Variants in NT5DC1 observed in about 807,000 individuals in gnomAD.
The protein encoded by NT5DC1 is 5'-nucleotidase domain containing 1, also known as 5'-nucleotidase domain-containing protein 1.
NT5DC1 carries 42 observed loss-of-function variants against 59.4 expected under a neutral mutation model. The ratio of observed to expected loss-of-function variants is 0.71; its 90% CI spans 0.55 to 0.92. The LOEUF (loss-of-function observed/expected upper bound fraction) is 0.92. Ranked by LOEUF, NT5DC1 falls within the 40% of genes least tolerant of loss-of-function variation. NT5DC1 has a pLI of 0.00. For missense variants in NT5DC1, 501 were observed against 537.1 expected, an observed-to-expected ratio of 0.93 and a Z score of 0.66; for synonymous variants, 172 against 188.1, an observed-to-expected ratio of 0.91 and a Z score of 0.70.
chr6:116,186,261 T>A (rs895825019), intron 6 of NT5DC1, among the ~76,000 whole-genome samples: 2 of 152,054 alleles, frequency 1.3e-5, no homozygotes, highest in Admixed American at 6.6e-5. Flanking sequence ...TAGGTTTTCC[T>A]TTAAAAGTTA....
intron 6 of NT5DC1, among the ~76,000 whole-genome samples, chr6:116,180,534 T>C (rs1256386514): frequency 6.6e-6 from 1 of 152,134 alleles, no homozygotes; most frequent in Non-Finnish European, 1.5e-5. Flanking sequence ...CCTGAACTTA[T>C]TGCTTAATCT....
intron 8 of NT5DC1, among the ~76,000 whole-genome samples, chr6:116,224,695 C>T (rs900239970): frequency 6.6e-6 from 1 of 152,178 alleles, no homozygotes; most frequent in African/African-American, 2.4e-5. Context: ...CATTCTGGCA[C>T]ATGGTCATGG....
intron 11 of NT5DC1, among the ~76,000 whole-genome samples, chr6:116,240,812 A>T (rs542597306): frequency 6.6e-6 from 1 of 152,330 alleles, no homozygotes; most frequent in South Asian, 2.1e-4. Flanking sequence ...GTGAATCTTG[A>T]TGGAATTATA....
At chr6:116,115,654 T>C (rs774046240) in intron 4 of NT5DC1, 37 bp from the exon 5 acceptor site, 73 of 1,008,808 alleles carry the variant, frequency 7.2e-5, no homozygotes, top group Non-Finnish European at 1.0e-4. Context: ...CATGCAGCAT[T>C]ATGTTGTTCC....
intron 4 of NT5DC1, among the ~76,000 whole-genome samples, chr6:116,111,983 C>T (rs1192241717): frequency 6.6e-6 from 1 of 152,174 alleles, no homozygotes; most frequent in Non-Finnish European, 1.5e-5. Context: ...AAAAGCCAGG[C>T]ACATAGCTGA....
chr6:116,135,652 TAACA>T (rs1168761707), intron 6 of NT5DC1, among the ~76,000 whole-genome samples: 4 of 151,654 alleles, frequency 2.6e-5, no homozygotes, highest in Non-Finnish European at 5.9e-5. Context: ...TTAATTCAAC[TAACA>T]AACATTTTTT....
At chr6:116,167,968 G>A (rs1316974078) in intron 6 of NT5DC1, among the ~76,000 whole-genome samples, 1 of 151,776 alleles carries the variant, frequency 6.6e-6, no homozygotes, top group African/African-American at 2.4e-5. Flanking sequence ...TATTGTTTAT[G>A]TTGAAAATTC....
chr6:116,214,704 T>A (rs1176862049), intron 6 of NT5DC1, among the ~76,000 whole-genome samples: 2 of 152,062 alleles, frequency 1.3e-5, no homozygotes, highest in Non-Finnish European at 2.9e-5. Context: ...TTTTGAAATA[T>A]CATATTCAAA....
intron 6 of NT5DC1, among the ~76,000 whole-genome samples, chr6:116,124,363 G>C (rs183140125): frequency 6.6e-6 from 1 of 152,096 alleles, no homozygotes; most frequent in Admixed American, 6.6e-5. Flanking sequence ...ATAGGCGGTC[G>C]TGTCAGTTGC....
At chr6:116,217,940 T>C (rs1191232077) in intron 6 of NT5DC1, among the ~76,000 whole-genome samples, 1 of 152,136 alleles carries the variant, frequency 6.6e-6, no homozygotes, top group African/African-American at 2.4e-5. Flanking sequence ...CCTTTAATAA[T>C]TGGAGGTTAC....
intron 6 of NT5DC1, among the ~76,000 whole-genome samples, chr6:116,126,477 TATATA>T (rs1779315697): frequency 6.6e-6 from 1 of 152,190 alleles, no homozygotes; most frequent in South Asian, 2.1e-4. Flanking sequence ...TGGTTGATAT[TATATA>T]ATATGTGGTA....
intron 6 of NT5DC1, among the ~76,000 whole-genome samples, chr6:116,146,451 C>T (rs568829078): frequency 4.6e-5 from 7 of 152,140 alleles, no homozygotes; most frequent in Non-Finnish European, 1.0e-4. Context: ...AGTTGCTTTA[C>T]TCAAAATGGG....
intron 6 of NT5DC1, among the ~76,000 whole-genome samples, chr6:116,162,504 G>A (rs1780358305): frequency 6.6e-6 from 1 of 152,118 alleles, no homozygotes; most frequent in Non-Finnish European, 1.5e-5. Context: ...GGATTTTATT[G>A]CATGTTTTTT....
chr6:116,138,703 A>G (rs139036866), intron 6 of NT5DC1, among the ~76,000 whole-genome samples: 8 of 152,286 alleles, frequency 5.3e-5, no homozygotes, highest in Middle Eastern at 3.4e-3. Context: ...CTTTTGAATT[A>G]TTACTAATAT....
At chr6:116,120,588 G>T (rs1436011097) in intron 6 of NT5DC1, 7 of 1,591,656 alleles carry the variant, frequency 4.4e-6, no homozygotes, top group Non-Finnish European at 4.3e-6. Flanking sequence ...GGAGGCCCAG[G>T]GGGCCCTGGA....
chr6:116,145,985 T>G (rs1211486320), intron 6 of NT5DC1, among the ~76,000 whole-genome samples: 1 of 152,236 alleles, frequency 6.6e-6, no homozygotes, highest in African/African-American at 2.4e-5. Context: ...GGCAGAAATC[T>G]TTCCTTACTT....
chr6:116,226,103 TTA>T (rs1781903730), intron 8 of NT5DC1, among the ~76,000 whole-genome samples: 2 of 152,188 alleles, frequency 1.3e-5, no homozygotes, highest in African/African-American at 4.8e-5. Flanking sequence ...GTTTAAAGTC[TTA>T]TATAATAAAA....
At chr6:116,140,742 T>A (rs955414181) in intron 6 of NT5DC1, among the ~76,000 whole-genome samples, 1 of 152,194 alleles carries the variant, frequency 6.6e-6, no homozygotes, top group Admixed American at 6.5e-5. Context: ...ACACTGTATG[T>A]ATCTGCTTCT....
chr6:116,101,028 G>A lies in NT5DC1; in HGVS notation c.93+5G>A, dbSNP rs759785884. The A allele has an allele frequency of 1.9e-6, 3 of 1,583,594 alleles. No homozygotes were observed. Among genetic ancestry groups the A allele is most frequent in the Non-Finnish European group, 1.7e-6 (2 of 1,165,054 alleles). On this transcript the variant is annotated splice_donor_5th_base_variant and intron_variant, in intron 1 of 11. Coordinates refer to ENST00000319550, the MANE Select transcript of NT5DC1 (RefSeq NM_152729.3). Reference sequence around the variant, plus strand: ...AACCTGCCCGAGAGCGCCCCGGTGAGTGGCGCGGGCTCCGGGGCGCACTGC... The same window carrying A: ...AACCTGCCCGAGAGCGCCCCGGTGAATGGCGCGGGCTCCGGGGCGCACTGC...
Sources: allele counts gnomAD v4.1 joint callset (sites outside exome capture counted in the v4.1 genomes callset), GRCh38; gene constraint gnomAD v4.1.1; transcripts MANE v1.5; gene names NCBI Gene and HGNC (gene_info 2026-07-23, HGNC 2026-07-21).